The following ITSN1 variants were observed in gnomAD, a reference collection of about 807,000 sequenced individuals.
ITSN1 encodes the protein intersectin 1.
In ITSN1, 58 loss-of-function variants were observed where a neutral mutation model predicts 239.8. That is an observed-to-expected ratio of 0.24 (90% confidence interval 0.20 to 0.30). The LOEUF (loss-of-function observed/expected upper bound fraction) is 0.30. Among genes scored for constraint, ITSN1 ranks in the 10% least tolerant of loss-of-function variants. The probability of loss-of-function intolerance (pLI) is 1.00; values close to 1 mark genes in which losing one functional copy is unlikely to be tolerated. For missense variants in ITSN1, 1,558 were observed against 2,103.3 expected, an observed-to-expected ratio of 0.74 and a Z score of 5.07; for synonymous variants, 780 against 770.8, an observed-to-expected ratio of 1.01 and a Z score of -0.20.
At chr21:33,667,348 G>A (rs1236832231) in intron 1 of ITSN1, among the ~76,000 whole-genome samples, 1 of 152,044 alleles carries the variant, frequency 6.6e-6, no homozygotes, top group Non-Finnish European at 1.5e-5. Context: ...AGGCCAAAAA[G>A]TTTGAGAACA....
chr21:33,794,230 G>A (rs930101514), intron 16 of ITSN1, 111 bp from the exon 17 acceptor site: 107 of 777,868 alleles, frequency 1.4e-4, no homozygotes, highest in African/African-American at 3.0e-4. Context: ...ACTCTGAAAC[G>A]TTATCTCCTA....
At chr21:33,859,836 C>T (rs1007533346) in intron 31 of ITSN1, among the ~76,000 whole-genome samples, 4 of 152,202 alleles carry the variant, frequency 2.6e-5, no homozygotes, top group Admixed American at 2.0e-4. Context: ...AAGGTGACAT[C>T]AGGCAGGCTT....
At chr21:33,653,047 C>T (rs1356438092) in intron 1 of ITSN1, among the ~76,000 whole-genome samples, 16 of 147,788 alleles carry the variant, frequency 1.1e-4, no homozygotes, top group African/African-American at 3.6e-4. Flanking sequence ...CAGGCTGGAG[C>T]GCAGTGGCAC....
Position 33,751,838 on chromosome 21 carries a change from T to C in ITSN1, c.555T>C (p.Phe185=). 9 of 1,612,524 alleles carry C rather than the reference T, an allele frequency of 5.6e-6. No individual in the cohort carries two copies. Among genetic ancestry groups the C allele is most frequent in the Non-Finnish European group, 7.6e-6 (9 of 1,178,558 alleles). ...CCACATTGCCAAAGAGTTCTTCCTT[T>C]AGTAGATCTGGTCCAGGGTCACAAC... is the stretch of plus-strand genomic sequence containing the variant. The part of the protein sequence containing the change: ...PAATLPKSSS[F]SRSGPGSQLN... The change falls in exon 7 of 40, where the codon TTT becomes TTC. Residue 185 remains phenylalanine, a synonymous_variant. Coordinates refer to ENST00000381318, the MANE Select transcript of ITSN1 (RefSeq NM_003024.3).
intron 34 of ITSN1, among the ~76,000 whole-genome samples, chr21:33,880,379 G>A (rs1011436768): frequency 2.6e-5 from 4 of 152,178 alleles, no homozygotes; most frequent in Admixed American, 2.6e-4. Context: ...TTGCGCCCAC[G>A]TGGCTTGAAC....
chr21:33,768,194 A>T (rs1005383062), intron 11 of ITSN1, among the ~76,000 whole-genome samples: 1 of 152,262 alleles, frequency 6.6e-6, no homozygotes, highest in African/African-American at 2.4e-5. Flanking sequence ...CAAATCATCT[A>T]CTGTTGTTTT....
At chr21:33,860,288 C>T (rs1374475229) in intron 31 of ITSN1, among the ~76,000 whole-genome samples, 3 of 143,076 alleles carry the variant, frequency 2.1e-5, no homozygotes, top group East Asian at 2.0e-4. Flanking sequence ...GCCTGGGCCA[C>T]GGGAGTGAAA....
intron 22 of ITSN1, among the ~76,000 whole-genome samples, chr21:33,815,936 G>A (rs571894539): frequency 5.8e-4 from 88 of 152,136 alleles, no homozygotes; most frequent in Non-Finnish European, 9.9e-4. Context: ...GCCTGTTATC[G>A]CAGCACTTTG....
chr21:33,741,580 T>C (rs535357787), intron 5 of ITSN1, among the ~76,000 whole-genome samples: 2 of 152,160 alleles, frequency 1.3e-5, no homozygotes, highest in South Asian at 4.2e-4. Context: ...ATTTTCAGTG[T>C]CTATAAACAT....
At chr21:33,646,282 A>G (rs1204969189) in intron 1 of ITSN1, among the ~76,000 whole-genome samples, 1 of 152,176 alleles carries the variant, frequency 6.6e-6, no homozygotes, top group Admixed American at 6.5e-5. Context: ...AAGATTCAGA[A>G]CAAAGCATTT....
At chr21:33,734,803 C>G (rs533400316) in intron 4 of ITSN1, among the ~76,000 whole-genome samples, 1 of 152,266 alleles carries the variant, frequency 6.6e-6, no homozygotes, top group East Asian at 1.9e-4. Flanking sequence ...AGTACAAATC[C>G]TCACACTGAG....
chr21:33,650,297 G>C (rs546952595), intron 1 of ITSN1, among the ~76,000 whole-genome samples: 1 of 152,234 alleles, frequency 6.6e-6, no homozygotes, highest in South Asian at 2.1e-4. Flanking sequence ...TTTAGTGTCA[G>C]GCTTTAACCA....
intron 29 of ITSN1, chr21:33,838,016 T>C: frequency 1.0e-6 from 1 of 985,764 alleles, no homozygotes; most frequent in African/African-American, 1.7e-5. Context: ...TATAGAAGTC[T>C]CCCTGCAATT....
intron 34 of ITSN1, among the ~76,000 whole-genome samples, chr21:33,878,006 CTTTGTG>C (rs1411396391): frequency 0.014 from 1,487 of 103,304 alleles, 34 homozygotes; most frequent in African/African-American, 0.052. Context: ...TTCTCTCTCT[CTTTGTG>C]TGTGTGTGTG....
At chr21:33,695,283 G>A (rs1307941909) in intron 1 of ITSN1, among the ~76,000 whole-genome samples, 1 of 152,174 alleles carries the variant, frequency 6.6e-6, no homozygotes, top group Admixed American at 6.5e-5. Flanking sequence ...TTTCCTTGTG[G>A]TAAACTTTCT....
At chr21:33,881,784 C>G (rs11909881) in intron 34 of ITSN1, among the ~76,000 whole-genome samples, 27,279 of 151,936 alleles carry the variant, frequency 0.18, 4,049 homozygotes, top group African/African-American at 0.41. Flanking sequence ...AGTTCAAGAC[C>G]AGCCTGGGCA....
chr21:33,888,558 T>C lies in ITSN1; in HGVS notation c.*258T>C, dbSNP rs1986122867. 5.5e-6 allele frequency: 2 copies of C among 366,540 alleles called. No individual in the cohort carries two copies. Among genetic ancestry groups the C allele is most frequent in the East Asian group, 5.0e-5 (1 of 20,012 alleles). The allele number at this position is 366,540 out of a possible 1,614,324, so 22.7% of individuals were successfully genotyped here. On this transcript the variant is annotated 3_prime_UTR_variant, in exon 40 of 40. Transcript: ENST00000381318. ...GTCTCATTATGGCTTCTAGGGTCGC[T>C]GAAATCCCATAGCCCTCAACAGGGT...
chr21:33,705,444 G>A (rs1157162513), intron 1 of ITSN1, among the ~76,000 whole-genome samples: 1 of 152,066 alleles, frequency 6.6e-6, no homozygotes, highest in Non-Finnish European at 1.5e-5. Context: ...CTGGAGTGCA[G>A]TGGCACGATC....
At position 33,811,119 on chromosome 21, in the gene ITSN1, G is replaced by A. The variant is rs771280043; in HGVS notation, c.2464G>A (p.Ala822Thr). 1.9e-6 allele frequency: 3 copies of A among 1,614,148 alleles called. No homozygotes were observed. The Admixed American group carries it at 5.0e-5, about 27-fold the overall frequency. ...GAAACCAGTGACTGATTCAACATCT[G>A]CCCCTGCCCCCAAACTGGCCTTGCG... is the stretch of plus-strand genomic sequence containing the variant. ...PVKPVTDSTSAPAPKLALRET... is the reference protein window; with the variant it reads ...PVKPVTDSTSTPAPKLALRET... The change falls in exon 21 of 40, where the codon GCC becomes ACC. Residue 822 changes from alanine (A) to threonine (T), a missense_variant. Ala to Thr is a moderately conservative substitution (Grantham distance 58). Around this residue, in one of 2 missense-constraint regions of ITSN1, gnomAD observed 982 missense variants for 1,209.9 expected, o/e 0.81. Transcript: ENST00000381318.
Sources: allele counts gnomAD v4.1 joint callset (sites outside exome capture counted in the v4.1 genomes callset), GRCh38; gene constraint gnomAD v4.1.1; regional missense constraint gnomAD v4.1.1; transcripts MANE v1.5; gene names NCBI Gene and HGNC (gene_info 2026-07-23, HGNC 2026-07-21).